THSD7A: variants seen among roughly 807,000 people sequenced by gnomAD.
The protein encoded by THSD7A is thrombospondin type 1 domain containing 7A.
A neutral mutation model predicts 231.3 loss-of-function variants in THSD7A; 96 were observed. That is an observed-to-expected ratio of 0.41 (90% CI 0.35 to 0.49). The LOEUF (loss-of-function observed/expected upper bound fraction) is 0.49, where lower values mean the gene tolerates loss of function less well. Among genes scored for constraint, THSD7A ranks in the 20% least tolerant of loss-of-function variants. THSD7A has a pLI of 0.05. For missense variants in THSD7A, 2,290 were observed against 2,070.2 expected, an observed-to-expected ratio of 1.11 and a Z score of -2.06; for synonymous variants, 940 against 743.3, an observed-to-expected ratio of 1.26 and a Z score of -4.30.
chr7:11,406,561 T>A lies in THSD7A; in HGVS notation c.4063-87A>T. 1 of 1,351,192 alleles carries A rather than the reference T, an allele frequency of 7.4e-7. No individual in the cohort carries two copies. Among genetic ancestry groups the A allele is most frequent in the Non-Finnish European group, 9.9e-7 (1 of 1,008,488 alleles). The allele number at this position is 1,351,192 out of a possible 1,614,324, so 83.7% of individuals were successfully genotyped here. ...ACTTAGTTATCTCTGCACCACTGAC[T>A]TTGATTTATGAACATTTAGAGAAGG... On this transcript the variant is annotated intron_variant, in intron 21 of 27. Coordinates refer to ENST00000423059, the MANE Select transcript of THSD7A (RefSeq NM_015204.3). The surrounding 1 kb of genome is among the most constrained non-coding windows in gnomAD (Gnocchi z 4.7).
At chr7:11,602,742 T>C (rs1780593618) in intron 2 of THSD7A, among the ~76,000 whole-genome samples, 1 of 151,818 alleles carries the variant, frequency 6.6e-6, no homozygotes, top group South Asian at 2.1e-4. Flanking sequence ...GATAATGCCA[T>C]TGAAACATGT....
intron 11 of THSD7A, among the ~76,000 whole-genome samples, chr7:11,452,791 A>G (rs1248862071): frequency 6.6e-6 from 1 of 152,084 alleles, no homozygotes; most frequent in East Asian, 1.9e-4. Context: ...AACGAAACCC[A>G]AAACCCCAAA....
At chr7:11,811,786 G>C in intron 1 of THSD7A, among the ~76,000 whole-genome samples, 1 of 152,110 alleles carries the variant, frequency 6.6e-6, no homozygotes, top group Middle Eastern at 3.2e-3. Context: ...ATATAATGAT[G>C]CTTGCAGGTT....
intron 1 of THSD7A, among the ~76,000 whole-genome samples, chr7:11,653,446 ATATG>A (rs1562445776): frequency 6.4e-5 from 6 of 93,626 alleles, no homozygotes; most frequent in Non-Finnish European, 1.2e-4. Context: ...CCACTCCCAG[ATATG>A]TGTGTGTGTG....
intron 1 of THSD7A, among the ~76,000 whole-genome samples, chr7:11,710,931 T>C (rs945028329): frequency 6.6e-6 from 1 of 150,816 alleles, no homozygotes; most frequent in East Asian, 2.0e-4. Flanking sequence ...ATATATACAA[T>C]AAAAGGTCTG....
chr7:11,617,920 G>C (rs953494154), intron 2 of THSD7A, among the ~76,000 whole-genome samples: 2 of 152,140 alleles, frequency 1.3e-5, no homozygotes, highest in East Asian at 3.9e-4. Flanking sequence ...ACACCAACAT[G>C]GCACATGTAT....
intron 8 of THSD7A, among the ~76,000 whole-genome samples, chr7:11,473,107 T>C (rs1472116652): frequency 6.6e-6 from 1 of 152,206 alleles, no homozygotes; most frequent in Non-Finnish European, 1.5e-5. Flanking sequence ...CAAATCTCAC[T>C]GGCATGTCTT....
chr7:11,741,460 A>C (rs1349263762), intron 1 of THSD7A, among the ~76,000 whole-genome samples: 3 of 151,920 alleles, frequency 2.0e-5, no homozygotes, highest in African/African-American at 7.2e-5. Context: ...TTTTGTGGGA[A>C]TATATATGCT....
chr7:11,446,259 A>C lies in THSD7A; in HGVS notation c.2866T>G (p.Cys956Gly). 1 of 1,613,476 alleles carries C rather than the reference A, an allele frequency of 6.2e-7. No homozygotes were observed. Among genetic ancestry groups the C allele is most frequent in the Non-Finnish European group, 8.5e-7 (1 of 1,179,582 alleles). The stretch of plus-strand genomic sequence containing the variant: ...TGTGCATTATATTTGTCACAAGGAC[A>C]ATACTGAGTCTCAATCAGGGGATAC... Reference protein sequence around the residue: ...HLYPLIETQYCPCDKYNAQPV... With the variant: ...HLYPLIETQYGPCDKYNAQPV... Residue 956 changes from cysteine (C) to glycine (G), a missense_variant, in exon 13 of 28, where the codon TGT (cysteine) becomes GGT (glycine). Coordinates refer to ENST00000423059, the MANE Select transcript of THSD7A (RefSeq NM_015204.3). This position sits in a 1 kb window ranked among gnomAD's most constrained non-coding sequence, Gnocchi z 4.0.
chr7:11,638,752 T>A (rs1781964839), intron 1 of THSD7A, among the ~76,000 whole-genome samples: 1 of 152,142 alleles, frequency 6.6e-6, no homozygotes, highest in Non-Finnish European at 1.5e-5. Context: ...CCTTGAAGTA[T>A]GAATGTTGAA....
At chr7:11,594,283 C>T (rs1038632607) in intron 2 of THSD7A, among the ~76,000 whole-genome samples, 1 of 152,082 alleles carries the variant, frequency 6.6e-6, no homozygotes, top group Non-Finnish European at 1.5e-5. Context: ...AATAACTACA[C>T]TTTATACATA....
In THSD7A at chr7:11,446,214, C is replaced by G; in HGVS notation, c.2911G>C (p.Asp971His). Residue 971 changes from aspartate to histidine, a missense_variant, in exon 13 of 28, where the codon GAC becomes CAC. Transcript: ENST00000423059. The surrounding 1 kb of genome is among the most constrained non-coding windows in gnomAD (Gnocchi z 4.0). ...YNAQPVGNWS[D>H]CILPEGKVEV... ...ACTTTTCCCTCTGGTAAAATACAGTCTGACCAGTTCCCCACAGGTTGTGCA... is the reference window on the plus strand; with the variant it reads ...ACTTTTCCCTCTGGTAAAATACAGTGTGACCAGTTCCCCACAGGTTGTGCA... 1 of 1,613,544 alleles carries G rather than the reference C, an allele frequency of 6.2e-7. No homozygotes were observed. The highest frequency in any genetic ancestry group is 8.5e-7 in the Non-Finnish European group (1 of 1,179,642).
At chr7:11,589,125 T>A (rs1015997818) in intron 4 of THSD7A, among the ~76,000 whole-genome samples, 4 of 152,224 alleles carry the variant, frequency 2.6e-5, no homozygotes, top group African/African-American at 9.6e-5. Flanking sequence ...TCTGATCCTT[T>A]TTGCTCATAT....
At position 11,379,535 on chromosome 7, in the gene THSD7A, G is replaced by A. The variant is rs1313359580; in HGVS notation, c.4590+95C>T. The A allele has an allele frequency of 6.5e-6, 8 of 1,224,064 alleles. No individual in the cohort carries two copies. The East Asian group carries it at 2.0e-4, about 31-fold the overall frequency. 75.8% of individuals were successfully genotyped at this position (1,224,064 alleles called of 1,614,324 possible). On this transcript the variant is annotated intron_variant, in intron 25 of 27. Coordinates refer to ENST00000423059, the MANE Select transcript of THSD7A (RefSeq NM_015204.3). ...CTAAAATGGGATTTTTATGCCTCAA[G>A]ACATGCTTTCTTTGGAGGAAGATAA...
At position 11,634,065 on chromosome 7, in the gene THSD7A, C is replaced by G. The variant is rs150153969; in HGVS notation, c.1022+2065G>C. Among the ~76,000 whole-genome samples the G allele has an allele frequency of 6.6e-6, 1 of 152,182 alleles. No individual in the cohort carries two copies. The highest frequency in any genetic ancestry group is 1.5e-5 in the Non-Finnish European group (1 of 67,988). On this transcript the variant is annotated intron_variant, in intron 2 of 27. Transcript: ENST00000423059. The surrounding 1 kb of genome is among the most constrained non-coding windows in gnomAD (Gnocchi z 4.1). ...TATAATATCTGAGCAAAACGTAGGT[C>G]AAAATATCTGATTTTTATCTCTTCT... is the stretch of plus-strand genomic sequence containing the variant.
intron 4 of THSD7A, among the ~76,000 whole-genome samples, chr7:11,563,774 C>A (rs1156684787): frequency 6.6e-6 from 1 of 152,092 alleles, no homozygotes; most frequent in Non-Finnish European, 1.5e-5. Flanking sequence ...TAATCAATAT[C>A]TTCAGTATCC....
At chr7:11,407,208 C>T (rs755241980) in intron 20 of THSD7A, 98 bp downstream of exon 20, 14 of 1,436,312 alleles carry the variant, frequency 9.7e-6, no homozygotes, top group Admixed American at 2.0e-5. Flanking sequence ...ACCAATCCAA[C>T]CTTTCTGAAG....
intron 22 of THSD7A, 34 bp from the exon 23 acceptor site, chr7:11,402,002 TC>T: frequency 6.3e-7 from 1 of 1,586,548 alleles, no homozygotes; most frequent in South Asian, 1.1e-5. Context: ...TACACCCATA[TC>T]CACAGAGAAA....
chr7:11,392,000 T>C (rs1783001397), intron 23 of THSD7A, among the ~76,000 whole-genome samples: 1 of 152,068 alleles, frequency 6.6e-6, no homozygotes, highest in Non-Finnish European at 1.5e-5. Context: ...ATCTTCTGCA[T>C]TGATCTCGCT....
Sources: gnomAD v4.1 joint callset for allele counts (sites outside exome capture counted in the v4.1 genomes callset) on GRCh38, gnomAD v4.1.1 for gene constraint, Gnocchi (gnomAD v3.1) non-coding constraint, MANE v1.5 for transcripts, NCBI Gene and HGNC (gene_info 2026-07-23, HGNC 2026-07-21) for gene names.